Variants in HS3ST4 observed in about 807,000 individuals in gnomAD.
HS3ST4 encodes heparan sulfate-glucosamine 3-sulfotransferase 4.
In HS3ST4, 17 loss-of-function variants were observed where a neutral mutation model predicts 29.2. The observed-to-expected ratio is 0.58, with a 90% CI of 0.40 to 0.87. HS3ST4 has a LOEUF of 0.87. Ranked by LOEUF, HS3ST4 falls within the 40% of genes least tolerant of loss-of-function variation. The pLI, the probability that HS3ST4 is intolerant of heterozygous loss-of-function variation, is 0.00. For synonymous variants in HS3ST4, 314 were observed against 285.7 expected (o/e 1.10, Z -1.00); for missense variants, 627 against 634.5 (o/e 0.99, Z 0.13).
intron 1 of HS3ST4, among the ~76,000 whole-genome samples, chr16:25,842,134 T>C (rs190504504): frequency 1.6e-4 from 24 of 152,352 alleles, no homozygotes; most frequent in African/African-American, 5.3e-4. Context: ...AGCATGCCCT[T>C]TTCCAGTGGG....
intron 1 of HS3ST4, among the ~76,000 whole-genome samples, chr16:25,705,139 T>C (rs2141582336): frequency 6.6e-6 from 1 of 152,230 alleles, no homozygotes; most frequent in East Asian, 1.9e-4. Context: ...TTTCTCTGGA[T>C]GTATTATCAA....
At chr16:25,840,892 A>G (rs1355312194) in intron 1 of HS3ST4, among the ~76,000 whole-genome samples, 2 of 152,212 alleles carry the variant, frequency 1.3e-5, no homozygotes, top group Non-Finnish European at 2.9e-5. Flanking sequence ...GTGGTCAAGT[A>G]AGCTTATTGG....
chr16:25,837,781 A>T (rs576699497), intron 1 of HS3ST4, among the ~76,000 whole-genome samples: 9 of 152,032 alleles, frequency 5.9e-5, no homozygotes, highest in South Asian at 2.1e-4. Context: ...TTATTTATTT[A>T]TTTTTTTACT....
chr16:25,786,094 A>G (rs1357604104), intron 1 of HS3ST4, among the ~76,000 whole-genome samples: 6 of 152,186 alleles, frequency 3.9e-5, no homozygotes, highest in Admixed American at 3.9e-4. Context: ...TTCCGGGCTG[A>G]GCAGCGCAAT....
At position 26,137,026 on chromosome 16, in the gene HS3ST4, G is replaced by A. The variant is rs1232233243; in HGVS notation, c.*778G>A. 6.6e-6 allele frequency: 1 copy of A among 152,158 alleles called. No homozygotes were observed. Among genetic ancestry groups the A allele is most frequent in the Non-Finnish European group, 1.5e-5 (1 of 68,088 alleles). 9.4% of individuals were successfully genotyped at this position (152,158 alleles called of 1,614,324 possible). A position where few individuals can be genotyped will look rare whatever the true frequency, so the allele number is the denominator to read the frequency against. On this transcript the variant is annotated 3_prime_UTR_variant, in exon 2 of 2. Transcript: ENST00000331351. ...GCATATGCCCTTGTGTTCGGATCAG[G>A]CCCACAGGGCTGCTCAAAGAGTAGA...
At position 26,087,221 on chromosome 16, in the gene HS3ST4, T is replaced by A. The variant is rs185039324; in HGVS notation, c.735-48391T>A. Among the ~76,000 whole-genome samples the A allele has an allele frequency of 4.8e-4, 73 of 152,362 alleles. No homozygotes were observed. The East Asian group carries it at 0.012, about 25-fold the overall frequency. ...ACCATTAAAGTAGGTGGCAGACACATCACTGGCCATGCAGAGTGGACACTT... is the reference window on the plus strand; with the variant it reads ...ACCATTAAAGTAGGTGGCAGACACAACACTGGCCATGCAGAGTGGACACTT... On this transcript the variant is annotated intron_variant, in intron 1 of 1. Transcript: ENST00000331351.
intron 1 of HS3ST4, among the ~76,000 whole-genome samples, chr16:25,778,539 C>T (rs904888401): frequency 3.9e-5 from 6 of 152,214 alleles, no homozygotes; most frequent in Non-Finnish European, 8.8e-5. Flanking sequence ...TTTGGTCCAA[C>T]ACCAGTCTAG....
At chr16:25,978,180 T>C (rs1968963802) in intron 1 of HS3ST4, among the ~76,000 whole-genome samples, 1 of 152,192 alleles carries the variant, frequency 6.6e-6, no homozygotes, top group Admixed American at 6.5e-5. Context: ...TGTTTTTGCA[T>C]TAAAGATGGG....
intron 1 of HS3ST4, among the ~76,000 whole-genome samples, chr16:25,741,365 T>TAAAAAAAAAAAAAAAA (rs66788248): frequency 6.0e-5 from 4 of 66,186 alleles, no homozygotes; most frequent in African/African-American, 1.2e-4. Flanking sequence ...GAATTCAAGG[T>TAAAAAAAAAAAAAAAA]AAAAAAAAAA....
At chr16:25,798,772 C>A (rs1041969183) in intron 1 of HS3ST4, among the ~76,000 whole-genome samples, 2 of 152,118 alleles carry the variant, frequency 1.3e-5, no homozygotes, top group Non-Finnish European at 1.5e-5. Context: ...TTCACGGCAC[C>A]CTCATTCTTT....
chr16:26,084,938 C>T (rs1419458104), intron 1 of HS3ST4, among the ~76,000 whole-genome samples: 2 of 152,076 alleles, frequency 1.3e-5, no homozygotes, highest in Non-Finnish European at 2.9e-5. Flanking sequence ...TTGTAGTTTC[C>T]TTTGTTCTTT....
At chr16:26,018,337 G>T (rs1030301049) in intron 1 of HS3ST4, among the ~76,000 whole-genome samples, 19 of 152,174 alleles carry the variant, frequency 1.2e-4, no homozygotes, top group Non-Finnish European at 1.5e-5. Context: ...TTGTTGGGGG[G>T]CACAGGATTG....
chr16:26,023,404 T>C (rs972272749), intron 1 of HS3ST4, among the ~76,000 whole-genome samples: 2 of 147,550 alleles, frequency 1.4e-5, no homozygotes, highest in Non-Finnish European at 2.9e-5. Context: ...TTTACTGTCT[T>C]AAATTTTTTT....
At chr16:25,850,481 C>G (rs1468502765) in intron 1 of HS3ST4, among the ~76,000 whole-genome samples, 2 of 152,194 alleles carry the variant, frequency 1.3e-5, no homozygotes, top group African/African-American at 2.4e-5. Context: ...TTCTTCCCCT[C>G]TATGTCTAAG....
chr16:26,104,845 G>A (rs909282638), intron 1 of HS3ST4, among the ~76,000 whole-genome samples: 9 of 150,162 alleles, frequency 6.0e-5, no homozygotes, highest in African/African-American at 2.3e-4. Context: ...ACCTTAAGCA[G>A]TCCTTGGACT....
chr16:26,093,444 C>G (rs1161929224), intron 1 of HS3ST4, among the ~76,000 whole-genome samples: 1 of 152,176 alleles, frequency 6.6e-6, no homozygotes, highest in Non-Finnish European at 1.5e-5. Context: ...TGTTCTGCAG[C>G]CTCTGCTGAT....
At chr16:26,045,510 T>C (rs1305703195) in intron 1 of HS3ST4, among the ~76,000 whole-genome samples, 1 of 152,166 alleles carries the variant, frequency 6.6e-6, no homozygotes, top group Non-Finnish European at 1.5e-5. Flanking sequence ...TCGCAGTACA[T>C]AAGAAGGCAG....
chr16:25,782,986 T>C (rs1448094022), intron 1 of HS3ST4, among the ~76,000 whole-genome samples: 1 of 152,194 alleles, frequency 6.6e-6, no homozygotes, highest in Non-Finnish European at 1.5e-5. Context: ...GTAATCGGCA[T>C]CTTCTTTCCC....
At chr16:26,054,476 T>C (rs1898384171) in intron 1 of HS3ST4, among the ~76,000 whole-genome samples, 1 of 152,204 alleles carries the variant, frequency 6.6e-6, no homozygotes, top group African/African-American at 2.4e-5. Flanking sequence ...TCCTTGTCAA[T>C]TTCCATCAAG....
Sources: gnomAD v4.1 joint callset for allele counts (sites outside exome capture counted in the v4.1 genomes callset) on GRCh38, gnomAD v4.1.1 for gene constraint, MANE v1.5 for transcripts, NCBI Gene and HGNC (gene_info 2026-07-23, HGNC 2026-07-21) for gene names.